The following ACTN4 variants were observed in gnomAD, a reference collection of about 807,000 sequenced individuals.
The protein encoded by ACTN4 is alpha-actinin-4.
A neutral mutation model predicts 114.2 loss-of-function variants in ACTN4; 18 were observed. The observed-to-expected ratio is 0.16, with a 90% CI of 0.11 to 0.23. The LOEUF (loss-of-function observed/expected upper bound fraction) is 0.23. Ranked by LOEUF, ACTN4 falls within the 10% of genes least tolerant of loss-of-function variation. The probability of loss-of-function intolerance (pLI) is 1.00; values close to 1 mark genes in which losing one functional copy is unlikely to be tolerated. For synonymous variants in ACTN4, 515 were observed against 506.3 expected, an observed-to-expected ratio of 1.02 and a Z score of -0.23; for missense variants, 722 against 1,262.9, an observed-to-expected ratio of 0.57 and a Z score of 6.49.
At chr19:38,706,205 C>T in intron 5 of ACTN4, 74 bp downstream of exon 5, 1 of 1,498,762 alleles carries the variant, frequency 6.7e-7, no homozygotes, top group Non-Finnish European at 9.2e-7. Context: ...GCCCTGTTTG[C>T]TGTGTTTTTG....
intron 3 of ACTN4, among the ~76,000 whole-genome samples, chr19:38,703,655 A>G (rs771725053): frequency 7.2e-5 from 11 of 152,190 alleles, no homozygotes; most frequent in South Asian, 4.1e-4. Context: ...CCTTCCAGGC[A>G]CTGGATCCAG....
In ACTN4 at chr19:38,717,890, C is replaced by A; in HGVS notation, c.1144-37C>A. On this transcript the variant is annotated intron_variant, in intron 10 of 20. Coordinates refer to ENST00000252699, the MANE Select transcript of ACTN4 (RefSeq NM_004924.6). This position sits in a 1 kb window ranked among gnomAD's most constrained non-coding sequence, Gnocchi z 4.0. ...GACATCCCCCTGGGTGCCTCCACTT[C>A]CTTGTGATAGCCCTGCCTGCTCCTG... is the stretch of plus-strand genomic sequence containing the variant. 1 of 1,563,860 alleles carries A rather than the reference C, an allele frequency of 6.4e-7. No homozygotes were observed. The highest frequency in any genetic ancestry group is 1.9e-4 in the Middle Eastern group (1 of 5,246).
chr19:38,667,706 C>CAAAA (rs77347323), intron 1 of ACTN4, among the ~76,000 whole-genome samples: 1 of 129,416 alleles, frequency 7.7e-6, no homozygotes, highest in South Asian at 2.5e-4. Flanking sequence ...TTTCTTCCAC[C>CAAAA]AAAAAAAAAA....
rs755098237 is a variant in ACTN4, at chr19:38,726,966, G to C, written c.2200G>C (p.Val734Leu). 1 of 1,613,998 alleles carries C rather than the reference G, an allele frequency of 6.2e-7. No homozygotes were observed. ...HTNYTMEHIR[V>L]GWEQLLTTIA... is the part of the protein sequence containing the mutation. ...CCCCGTCTTTCCGCAGCACATCCGCGTGGGCTGGGAGCAGCTGCTCACCAC... is the reference window on the plus strand; with the variant it reads ...CCCCGTCTTTCCGCAGCACATCCGCCTGGGCTGGGAGCAGCTGCTCACCAC... Residue 734 changes from valine to leucine, a missense_variant, in exon 18 of 21, where the codon GTG becomes CTG. Val to Leu is a conservative substitution (Grantham distance 32). This residue lies in a region of ACTN4 where 523 missense variants were observed against 875.9 expected (regional missense o/e 0.60). Transcript: ENST00000252699.
intron 1 of ACTN4, among the ~76,000 whole-genome samples, chr19:38,690,165 C>T (rs958553963): frequency 7.9e-5 from 12 of 152,234 alleles, no homozygotes; most frequent in African/African-American, 2.9e-4. Flanking sequence ...TTTGGTTCCC[C>T]TCCCACTGTA....
chr19:38,697,408 GC>G (rs1968131314), intron 1 of ACTN4, among the ~76,000 whole-genome samples: 1 of 152,264 alleles, frequency 6.6e-6, no homozygotes, highest in Non-Finnish European at 1.5e-5. Context: ...CTTACTTTAT[GC>G]CAAGGAGCCT....
chr19:38,728,497 G>A (rs910275972), intron 19 of ACTN4: 1 of 737,996 alleles, frequency 1.4e-6, no homozygotes, highest in Admixed American at 2.6e-5. Flanking sequence ...TCGTCCTCGG[G>A]GACACTCCTC....
At position 38,701,329 on chromosome 19, in the gene ACTN4, G is replaced by A. The variant is rs1968269038; in HGVS notation, c.397+208G>A. On this transcript the variant is annotated intron_variant, in intron 3 of 20. Transcript: ENST00000252699. ...CTCCCCCAAACCCTTGGAAAAATCC[G>A]GTGGGCGCAGTCCAAATCTAGGAAG... is the stretch of plus-strand genomic sequence containing the variant. 2.0e-5 allele frequency among the ~76,000 whole-genome samples: 3 copies of A among 152,112 alleles called. No individual in the cohort carries two copies. The South Asian group carries it at 6.2e-4, about 32-fold the overall frequency.
intron 3 of ACTN4, among the ~76,000 whole-genome samples, chr19:38,702,721 C>T (rs1406855266): frequency 6.6e-6 from 1 of 152,164 alleles, no homozygotes; most frequent in Non-Finnish European, 1.5e-5. Context: ...TGGGTCCCTC[C>T]CCTGTCTCTG....
At chr19:38,700,018 C>T (rs1968217141) in intron 1 of ACTN4, among the ~76,000 whole-genome samples, 1 of 152,092 alleles carries the variant, frequency 6.6e-6, no homozygotes, top group Non-Finnish European at 1.5e-5. Context: ...TATCTGTGCA[C>T]GTGATTGGAA....
Position 38,727,121 on chromosome 19 carries a change from T to A in ACTN4, c.2337+18T>A, listed in dbSNP as rs765587455. On this transcript the variant is annotated intron_variant, in intron 18 of 20. Transcript: ENST00000252699. The surrounding 1 kb of genome is among the most constrained non-coding windows in gnomAD (Gnocchi z 5.4). ...TCGACAAGGTGAGCAGCCTGCCACC[T>A]CCTCGGCCTCTCCCCTCCCGCCGTT... 7 of 1,613,272 alleles carry A rather than the reference T, an allele frequency of 4.3e-6. No homozygotes were observed. The highest frequency in any genetic ancestry group is 1.6e-4 in the Middle Eastern group (1 of 6,084).
At chr19:38,666,759 T>TC (rs1966975616) in intron 1 of ACTN4, among the ~76,000 whole-genome samples, 1 of 152,200 alleles carries the variant, frequency 6.6e-6, no homozygotes, top group African/African-American at 2.4e-5. Flanking sequence ...CTGTCACCCC[T>TC]CCTAGATCAT....
chr19:38,719,405 C>T (rs900973786), intron 11 of ACTN4, among the ~76,000 whole-genome samples: 6 of 152,278 alleles, frequency 3.9e-5, no homozygotes, highest in Non-Finnish European at 8.8e-5. Context: ...GCCCTGGCCA[C>T]GGCCCAGCTT....
chr19:38,650,476 C>A (rs1469112754), intron 1 of ACTN4, among the ~76,000 whole-genome samples: 1 of 152,314 alleles, frequency 6.6e-6, no homozygotes, highest in East Asian at 1.9e-4. Context: ...AAGGGTGGCT[C>A]ACAGAGTCCG....
chr19:38,717,395 C>T lies in ACTN4; in HGVS notation c.1143+79C>T, dbSNP rs756089782. Reference sequence around the variant, plus strand: ...AACTGCCTGTGGGCAGTTTGGCCAGCGTAATCTTTCCTAAGTTGTTGATGT... The same window carrying T: ...AACTGCCTGTGGGCAGTTTGGCCAGTGTAATCTTTCCTAAGTTGTTGATGT... On this transcript the variant is annotated intron_variant, in intron 10 of 20. Coordinates refer to ENST00000252699, the MANE Select transcript of ACTN4 (RefSeq NM_004924.6). The surrounding 1 kb of genome is among the most constrained non-coding windows in gnomAD (Gnocchi z 4.0). 2.1e-4 allele frequency: 328 copies of T among 1,532,796 alleles called. No individual in the cohort carries two copies. The highest frequency in any genetic ancestry group is 3.1e-4 in the Admixed American group (16 of 51,920). 94.9% of individuals were successfully genotyped at this position (1,532,796 alleles called of 1,614,324 possible).
chr19:38,673,638 T>C lies in ACTN4; in HGVS notation c.162+25731T>C, dbSNP rs1220167338. On this transcript the variant is annotated intron_variant, in intron 1 of 20. Coordinates refer to ENST00000252699, the MANE Select transcript of ACTN4 (RefSeq NM_004924.6). ...ATATTTATATATATTCATATATATT[T>C]ATATATATTTATATATTTATATATA... Among the ~76,000 whole-genome samples the C allele has an allele frequency of 2.2e-4, 11 of 50,468 alleles. 1 individual carries two copies. The highest frequency in any genetic ancestry group is 6.3e-4 in the African/African-American group (10 of 15,776). The allele number at this position is 50,468 out of a possible 152,430, so 33.1% of individuals were successfully genotyped here. A position where few individuals can be genotyped will look rare whatever the true frequency, so the allele number is the denominator to read the frequency against.
rs1360207824 is a variant in ACTN4, at chr19:38,731,037, G to A, written c.*1605G>A. On this transcript the variant is annotated 3_prime_UTR_variant, in exon 21 of 21. Transcript: ENST00000252699. ...GGCTGCAGTGGCCTGTGCAGAGAGG[G>A]GCAGGGTGAGTGCCCACCAGTCCCC... is the stretch of plus-strand genomic sequence containing the variant. 1.5e-5 allele frequency: 23 copies of A among 1,556,370 alleles called. No individual in the cohort carries two copies. Among genetic ancestry groups the A allele is most frequent in the South Asian group, 2.4e-5 (2 of 84,684 alleles).
At chr19:38,723,287 G>A (rs561219997) in intron 12 of ACTN4, among the ~76,000 whole-genome samples, 2 of 152,138 alleles carry the variant, frequency 1.3e-5, no homozygotes, top group East Asian at 3.9e-4. Context: ...CCCCTCCTCA[G>A]GCCCCAAGGC....
At chr19:38,706,015 A>G in intron 4 of ACTN4, 29 bp from the exon 5 acceptor site, 1 of 1,612,018 alleles carries the variant, frequency 6.2e-7, no homozygotes, top group Non-Finnish European at 8.5e-7. Context: ...TTTTTGAGCC[A>G]GTGCTCACTG....
Sources: allele counts gnomAD v4.1 joint callset (sites outside exome capture counted in the v4.1 genomes callset), GRCh38; gene constraint gnomAD v4.1.1; regional missense constraint gnomAD v4.1.1; non-coding constraint Gnocchi (gnomAD v3.1); transcripts MANE v1.5; gene names NCBI Gene and HGNC (gene_info 2026-07-23, HGNC 2026-07-21).